The following EPHA5 variants were observed in gnomAD, a reference collection of about 807,000 sequenced individuals.
The protein encoded by EPHA5 is EPH receptor A5.
In EPHA5, 60 loss-of-function variants were observed where a neutral mutation model predicts 105.0. That is an observed-to-expected ratio of 0.57 (90% CI 0.46 to 0.71). The LOEUF (loss-of-function observed/expected upper bound fraction) is 0.71. Among genes scored for constraint, EPHA5 ranks in the 30% least tolerant of loss-of-function variants. The pLI is 0.00. For missense variants in EPHA5, 1,218 were observed against 1,274.7 expected (o/e 0.96, Z 0.68); for synonymous variants, 513 against 449.1 (o/e 1.14, Z -1.80).
intron 5 of EPHA5, among the ~76,000 whole-genome samples, chr4:65,483,648 C>T (rs1232716738): frequency 6.6e-6 from 1 of 152,082 alleles, no homozygotes; most frequent in Non-Finnish European, 1.5e-5. Context: ...AAAAAATTTG[C>T]GTAAGTAGAA....
intron 13 of EPHA5, among the ~76,000 whole-genome samples, chr4:65,348,779 ATGTG>A (rs758698685): frequency 0.2 from 13,723 of 69,516 alleles, 2,585 homozygotes; most frequent in South Asian, 0.29. Flanking sequence ...ATGTGTGTGC[ATGTG>A]TGTGTGTGTG....
intron 2 of EPHA5, among the ~76,000 whole-genome samples, chr4:65,612,759 G>A (rs1393771337): frequency 6.6e-6 from 1 of 152,086 alleles, no homozygotes; most frequent in African/African-American, 2.4e-5. Context: ...TCTGTTCCTT[G>A]TAGATTCTGG....
At chr4:65,500,311 G>A in intron 3 of EPHA5, among the ~76,000 whole-genome samples, 1 of 151,232 alleles carries the variant, frequency 6.6e-6, no homozygotes, top group South Asian at 2.1e-4. Context: ...CATGTTTCAT[G>A]AGACTATTGT....
chr4:65,521,239 C>CT (rs1475017842), intron 3 of EPHA5, among the ~76,000 whole-genome samples: 2 of 151,918 alleles, frequency 1.3e-5, no homozygotes, highest in Non-Finnish European at 2.9e-5. Flanking sequence ...ATAGATGAAG[C>CT]TGGAAACCAT....
intron 3 of EPHA5, among the ~76,000 whole-genome samples, chr4:65,509,096 T>C (rs536743429): frequency 2.6e-5 from 4 of 152,234 alleles, no homozygotes; most frequent in African/African-American, 9.6e-5. Context: ...AAGCAGTCAT[T>C]GATTTGCCAT....
At chr4:65,452,849 G>A (rs1306837924) in intron 5 of EPHA5, among the ~76,000 whole-genome samples, 1 of 152,030 alleles carries the variant, frequency 6.6e-6, no homozygotes, top group African/African-American at 2.4e-5. Flanking sequence ...AACACTCTAG[G>A]TACAATAACC....
intron 3 of EPHA5, among the ~76,000 whole-genome samples, chr4:65,564,020 A>T (rs1476919345): frequency 6.6e-6 from 1 of 151,982 alleles, no homozygotes; most frequent in Non-Finnish European, 1.5e-5. Flanking sequence ...AGTGTTGAAC[A>T]AAATTATCAT....
At chr4:65,610,562 CAAAT>C (rs1388683053) in intron 2 of EPHA5, among the ~76,000 whole-genome samples, 8 of 151,310 alleles carry the variant, frequency 5.3e-5, no homozygotes, top group Admixed American at 5.3e-4. Context: ...ATTAATTAAA[CAAAT>C]AAAATGGGAT....
intron 5 of EPHA5, among the ~76,000 whole-genome samples, chr4:65,456,633 AAGGTGCATGAG>A (rs1319479345): frequency 2.6e-5 from 4 of 152,174 alleles, no homozygotes; most frequent in African/African-American, 9.7e-5. Context: ...ATCAACATAA[AAGGTGCATGAG>A]AACACAATTA....
intron 9 of EPHA5, among the ~76,000 whole-genome samples, chr4:65,366,744 A>G (rs1173044597): frequency 6.6e-6 from 1 of 151,992 alleles, no homozygotes; most frequent in African/African-American, 2.4e-5. Flanking sequence ...CGGAGTGAAA[A>G]AAACAAATAT....
At chr4:65,486,968 T>G (rs1380731253) in intron 5 of EPHA5, among the ~76,000 whole-genome samples, 1 of 152,194 alleles carries the variant, frequency 6.6e-6, no homozygotes, top group Non-Finnish European at 1.5e-5. Context: ...TGAAGAGGTC[T>G]GGTTGTTTAA....
At chr4:65,364,445 G>C (rs889335519) in intron 11 of EPHA5, among the ~76,000 whole-genome samples, 1 of 151,626 alleles carries the variant, frequency 6.6e-6, no homozygotes, top group Non-Finnish European at 1.5e-5. Context: ...CAAATTAAAA[G>C]AGATGTAAAA....
chr4:65,458,927 T>C (rs1203253087), intron 5 of EPHA5, among the ~76,000 whole-genome samples: 2 of 152,102 alleles, frequency 1.3e-5, no homozygotes, highest in African/African-American at 4.8e-5. Flanking sequence ...TTAATATAAA[T>C]CAAAATATCT....
intron 5 of EPHA5, among the ~76,000 whole-genome samples, chr4:65,483,785 C>T (rs1730611829): frequency 6.6e-6 from 1 of 152,082 alleles, no homozygotes; most frequent in South Asian, 2.1e-4. Context: ...AAGAGTTACA[C>T]TGTAAGTGTA....
chr4:65,543,512 A>G (rs1737053847), intron 3 of EPHA5, among the ~76,000 whole-genome samples: 1 of 152,088 alleles, frequency 6.6e-6, no homozygotes, highest in Non-Finnish European at 1.5e-5. Context: ...AATACAGCTA[A>G]CAAGGGATGT....
Position 65,468,001 on chromosome 4 carries a change from G to A in EPHA5, c.1402+22376C>T, listed in dbSNP as rs983113756. Among the ~76,000 whole-genome samples the A allele has an allele frequency of 3.9e-5, 6 of 152,126 alleles. No homozygotes were observed. The East Asian group carries it at 5.8e-4, about 15-fold the overall frequency. On this transcript the variant is annotated intron_variant, in intron 5 of 16. Coordinates refer to ENST00000613740, the MANE Select transcript of EPHA5 (RefSeq NM_001281766.3). ...AAATGAATTATGCCCTAGAACCTCC[G>A]AAGAGAAACACAGTCCTGCTGACAC...
intron 3 of EPHA5, among the ~76,000 whole-genome samples, chr4:65,529,550 G>C (rs1009689427): frequency 6.6e-6 from 1 of 152,024 alleles, no homozygotes; most frequent in African/African-American, 2.4e-5. Flanking sequence ...GGGAGAGACA[G>C]AAAGACGGTA....
Position 65,365,167 on chromosome 4 carries a change from G to A in EPHA5, c.2023C>T (p.Leu675=). 6.2e-7 allele frequency: 1 copy of A among 1,610,922 alleles called. No homozygotes were observed. The highest frequency in any genetic ancestry group is 8.5e-7 in the Non-Finnish European group (1 of 1,178,018). Residue 675 remains leucine (L), a synonymous_variant, in exon 11 of 17, where the codon CTA becomes TTA. Coordinates refer to ENST00000613740, the MANE Select transcript of EPHA5 (RefSeq NM_001281766.3). Reference sequence around the variant, plus strand: ...ACAGGTAATTCTCTTTTTCCTGGTAGTTTCAAACGTCCACTACAAACTTCA... The same window carrying A: ...ACAGGTAATTCTCTTTTTCCTGGTAATTTCAAACGTCCACTACAAACTTCA... The part of the protein sequence containing the change: ...FGEVCSGRLK[L]PGKRELPVAI...
intron 5 of EPHA5, among the ~76,000 whole-genome samples, chr4:65,451,919 T>C (rs1727106639): frequency 6.6e-6 from 1 of 152,232 alleles, no homozygotes; most frequent in South Asian, 2.1e-4. Flanking sequence ...CTTTTCTTCC[T>C]ACTAGTTTAA....
Sources: allele counts gnomAD v4.1 joint callset (sites outside exome capture counted in the v4.1 genomes callset), GRCh38; gene constraint gnomAD v4.1.1; transcripts MANE v1.5; gene names NCBI Gene and HGNC (gene_info 2026-07-23, HGNC 2026-07-21).